Variants in QRICH2 observed in about 807,000 individuals in gnomAD.
The protein encoded by QRICH2 is glutamine-rich protein 2.
QRICH2 carries 119 observed loss-of-function variants against 168.3 expected under a neutral mutation model. The observed-to-expected ratio is 0.71, with a 90% CI of 0.61 to 0.82. QRICH2 has a LOEUF of 0.82. QRICH2 is among the 40% of genes least tolerant of loss of function. QRICH2 has a pLI of 0.00. For synonymous variants in QRICH2, 894 were observed against 951.2 expected (o/e 0.94, Z 1.11); for missense variants, 2,241 against 2,491.6 (o/e 0.90, Z 2.14).
chr17:76,283,092 A>G (rs796926701), intron 7 of QRICH2, among the ~76,000 whole-genome samples: 9 of 152,298 alleles, frequency 5.9e-5, no homozygotes, highest in African/African-American at 2.2e-4. Context: ...GCACATCCCC[A>G]GGGCAGCATC....
chr17:76,305,043 A>G (rs1054403462), intron 1 of QRICH2, 102 bp from the exon 2 acceptor site: 3 of 823,066 alleles, frequency 3.6e-6, no homozygotes, highest in Middle Eastern at 2.3e-4. Flanking sequence ...ACACTCAGAC[A>G]CACACATGCA....
chr17:76,297,651 A>G (rs762946456), intron 3 of QRICH2, among the ~76,000 whole-genome samples: 46 of 152,282 alleles, frequency 3.0e-4, no homozygotes, highest in Middle Eastern at 3.4e-3. Flanking sequence ...ACTGAGACCA[A>G]CTCAACACTG....
rs147207408 is a variant in QRICH2, at chr17:76,305,800, T to C, written c.535-859A>G. Among the ~76,000 whole-genome samples the C allele has an allele frequency of 8.4e-3, 1,274 of 152,116 alleles. 52 individuals carry two copies. Among genetic ancestry groups the C allele is most frequent in the Admixed American group, 0.061 (929 of 15,276 alleles). ...TATCATATTTGGGATTAAGAAAAAA[T>C]ATATTAATAAACAAAAATAAAACAA... On this transcript the variant is annotated intron_variant, in intron 1 of 18. Coordinates refer to ENST00000680821, the MANE Select transcript of QRICH2 (RefSeq NM_001388453.1).
intron 16 of QRICH2, 40 bp downstream of exon 16, chr17:76,277,123 C>T: frequency 1.3e-6 from 2 of 1,510,120 alleles, no homozygotes; most frequent in Non-Finnish European, 1.8e-6. Context: ...GGAGCCATGT[C>T]AGGGCCTCCC....
chr17:76,295,528 C>T (rs975364519), intron 3 of QRICH2, among the ~76,000 whole-genome samples: 1 of 151,780 alleles, frequency 6.6e-6, no homozygotes, highest in Non-Finnish European at 1.5e-5. Flanking sequence ...TGGTACTGCA[C>T]ACCTGTAATC....
intron 3 of QRICH2, chr17:76,301,641 C>G (rs2070900983): frequency 6.5e-6 from 1 of 154,088 alleles, no homozygotes; most frequent in Non-Finnish European, 1.4e-5. Context: ...GCCCCGACAC[C>G]CACACATACA....
At chr17:76,306,519 G>T (rs557912460) in intron 1 of QRICH2, among the ~76,000 whole-genome samples, 2 of 152,158 alleles carry the variant, frequency 1.3e-5, no homozygotes, top group Non-Finnish European at 2.9e-5. Flanking sequence ...GCTGACCTGC[G>T]TTGCTTCCTG....
Position 76,304,428 on chromosome 17 carries a change from C to G in QRICH2, c.692G>C (p.Arg231Thr). 6.2e-7 allele frequency: 1 copy of G among 1,612,752 alleles called. No homozygotes were observed. The highest frequency in any genetic ancestry group is 8.5e-7 in the Non-Finnish European group (1 of 1,179,666). Residue 231 changes from arginine (R) to threonine (T), a missense_variant, in exon 3 of 19, where the codon AGA becomes ACA. Physicochemically the swap from Arg to Thr is moderately conservative, Grantham distance 71. Coordinates refer to ENST00000680821, the MANE Select transcript of QRICH2 (RefSeq NM_001388453.1). Reference sequence around the variant, plus strand: ...CCACTGGTTCACCGCTTGTGAGGCTCTCCAGCCGTCCGTAATCGCCTGCTC... The same window carrying G: ...CCACTGGTTCACCGCTTGTGAGGCTGTCCAGCCGTCCGTAATCGCCTGCTC... ...ELEQAITDGW[R>T]ASQAGSETLM...
In QRICH2 at chr17:76,274,231, A is replaced by G; in HGVS notation, c.5512T>C (p.Ser1838Pro). ...VSSRQQKDRP[S>P]SEGRLSQPNT... ...GGCTGGGAGAGACGGCCCTCGGAGG[A>G]AGGTCTATCTTTCTGTTGACGAGAA... The change falls in exon 19 of 19, where the codon TCC becomes CCC. Residue 1838 changes from serine to proline, a missense_variant. Ser to Pro is a moderately conservative substitution (Grantham distance 74, BLOSUM62 -1). This residue lies in a region of QRICH2 where 189 missense variants were observed against 169.3 expected (regional missense o/e 1.12). Coordinates refer to ENST00000680821, the MANE Select transcript of QRICH2 (RefSeq NM_001388453.1). 6.3e-7 allele frequency: 1 copy of G among 1,595,694 alleles called. No homozygotes were observed. The highest frequency in any genetic ancestry group is 8.5e-7 in the Non-Finnish European group (1 of 1,173,718).
intron 3 of QRICH2, among the ~76,000 whole-genome samples, chr17:76,295,283 T>C (rs1052715790): frequency 1.3e-4 from 20 of 151,672 alleles, no homozygotes; most frequent in African/African-American, 4.8e-4. Flanking sequence ...TAAAATAAAA[T>C]AAAATATAAA....
chr17:76,306,248 A>G (rs1167178044), intron 1 of QRICH2, among the ~76,000 whole-genome samples: 1 of 151,896 alleles, frequency 6.6e-6, no homozygotes, highest in African/African-American at 2.4e-5. Flanking sequence ...TTTGAAAAGG[A>G]AAGCAGACAT....
At chr17:76,285,804 G>C (rs773755265) in intron 7 of QRICH2, among the ~76,000 whole-genome samples, 1 of 151,840 alleles carries the variant, frequency 6.6e-6, no homozygotes, top group Non-Finnish European at 1.5e-5. Context: ...AGCCAAGATC[G>C]TGCCATTTCC....
Position 76,280,087 on chromosome 17 carries a change from T to A in QRICH2, c.4694A>T (p.Gln1565Leu). 1 of 1,613,692 alleles carries A rather than the reference T, an allele frequency of 6.2e-7. No individual in the cohort carries two copies. The highest frequency in any genetic ancestry group is 8.5e-7 in the Non-Finnish European group (1 of 1,180,000). ...GTAGAGTGGGGGGCGCTCCCTGAGCTGCTGTCGCAGCGATTTCCACCGATC... is the reference window on the plus strand; with the variant it reads ...GTAGAGTGGGGGGCGCTCCCTGAGCAGCTGTCGCAGCGATTTCCACCGATC... The part of the protein sequence containing the change: ...LEDRWKSLRQ[Q>L]LRERPPLYQA... Residue 1565 changes from glutamine (Q) to leucine (L), a missense_variant, in exon 12 of 19, where the codon CAG (glutamine) becomes CTG (leucine). Gln to Leu is a moderately radical substitution (Grantham distance 113). Transcript: ENST00000680821. The surrounding 1 kb of genome is among the most constrained non-coding windows in gnomAD (Gnocchi z 7.4).
Position 76,293,348 on chromosome 17 carries a change from G to C in QRICH2, c.1379C>G (p.Thr460Arg), listed in dbSNP as rs770624848. The C allele has an allele frequency of 5.6e-6, 9 of 1,614,078 alleles. No homozygotes were observed. The highest frequency in any genetic ancestry group is 5.0e-5 in the Admixed American group (3 of 59,998). The part of the protein sequence containing the change: ...RDQQGLELPS[T>R]DQHGLVSVSA... ...GACTGAAACCAGACCATGTTGGTCT[G>C]TGCTAGGTAGTTCCAATCCTTGCTG... The change falls in exon 4 of 19, where the codon ACA (threonine) becomes AGA (arginine). Residue 460 changes from threonine to arginine, a missense_variant. Transcript: ENST00000680821.
Position 76,282,042 on chromosome 17 carries a change from G to C in QRICH2, c.4085C>G (p.Pro1362Arg). 1 of 1,613,628 alleles carries C rather than the reference G, an allele frequency of 6.2e-7. No individual in the cohort carries two copies. The highest frequency in any genetic ancestry group is 8.5e-7 in the Non-Finnish European group (1 of 1,179,742). The change falls in exon 8 of 19, where the codon CCG becomes CGG. Residue 1362 changes from proline to arginine, a missense_variant. Pro to Arg is a moderately radical substitution (Grantham distance 103, BLOSUM62 -2). Around this residue, in one of 3 missense-constraint regions of QRICH2, gnomAD observed 2,047 missense variants for 2,303.8 expected, o/e 0.89. Transcript: ENST00000680821. ...SSTLLSMSMA[P>R]HKAHTLAPGQ... The stretch of plus-strand genomic sequence containing the variant: ...AGGAGCCAAGGTGTGGGCCTTGTGC[G>C]GGGCCATGCTCATGGACAGGAGCGT...
chr17:76,303,778 CAGG>C (rs2070943429), intron 3 of QRICH2, among the ~76,000 whole-genome samples: 1 of 147,704 alleles, frequency 6.8e-6, no homozygotes, highest in African/African-American at 2.5e-5. Flanking sequence ...GAGGCTGAGA[CAGG>C]AGAATGGCGT....
In QRICH2 at chr17:76,280,161, C is replaced by T. The variant is rs200491362; in HGVS notation, c.4627-7G>A. 1.2e-5 allele frequency: 20 copies of T among 1,612,626 alleles called. No homozygotes were observed. The highest frequency in any genetic ancestry group is 8.9e-5 in the East Asian group (4 of 44,866). On this transcript the variant is annotated splice_region_variant and splice_polypyrimidine_tract_variant and intron_variant, in intron 11 of 18. Coordinates refer to ENST00000680821, the MANE Select transcript of QRICH2 (RefSeq NM_001388453.1). The surrounding 1 kb of genome is among the most constrained non-coding windows in gnomAD (Gnocchi z 7.4). ...CCAGCTCCAGGCGGTCCAGCTGTGG[C>T]GGGGAAAGAGGGGCCAGGGGACCTC... is the stretch of plus-strand genomic sequence containing the variant.
rs551777342 is a variant in QRICH2, at chr17:76,293,772, G to A, written c.955C>T (p.Arg319Cys). 9.3e-6 allele frequency: 15 copies of A among 1,613,994 alleles called. No individual in the cohort carries two copies. The highest frequency in any genetic ancestry group is 1.7e-5 in the Admixed American group (1 of 59,996). ...AGTCGTGGCACGCCAGCTTCATCACGGGCCCTCGGCTGCTGCTGTCTCCCA... is the reference window on the plus strand; with the variant it reads ...AGTCGTGGCACGCCAGCTTCATCACAGGCCCTCGGCTGCTGCTGTCTCCCA... Reference protein sequence around the residue: ...GTGRQQQPRARDEAGVPRLHQ... With the variant: ...GTGRQQQPRACDEAGVPRLHQ... The change falls in exon 4 of 19, where the codon CGT (arginine) becomes TGT (cysteine). Residue 319 changes from arginine to cysteine, a missense_variant. Arg to Cys is a radical substitution (Grantham distance 180, BLOSUM62 -3). This residue lies in a region of QRICH2 where 2,047 missense variants were observed against 2,303.8 expected (regional missense o/e 0.89). Coordinates refer to ENST00000680821, the MANE Select transcript of QRICH2 (RefSeq NM_001388453.1).
rs762970696 is a variant in QRICH2, at chr17:76,304,456, G to T, written c.664C>A (p.Leu222Met). 2.5e-6 allele frequency: 4 copies of T among 1,613,728 alleles called. No homozygotes were observed. The highest frequency in any genetic ancestry group is 3.4e-6 in the Non-Finnish European group (4 of 1,179,986). ...CAGCCGTCCGTAATCGCCTGCTCCAGCTCTTCCCAGGTGACCATGGTGACT... is the reference window on the plus strand; with the variant it reads ...CAGCCGTCCGTAATCGCCTGCTCCATCTCTTCCCAGGTGACCATGGTGACT... Reference protein sequence around the residue: ...EEVTMVTWEELEQAITDGWRA... With the variant: ...EEVTMVTWEEMEQAITDGWRA... Residue 222 changes from leucine (L) to methionine (M), a missense_variant, in exon 3 of 19, where the codon CTG (leucine) becomes ATG (methionine). Coordinates refer to ENST00000680821, the MANE Select transcript of QRICH2 (RefSeq NM_001388453.1).
Sources: gnomAD v4.1 joint callset for allele counts (sites outside exome capture counted in the v4.1 genomes callset) on GRCh38, gnomAD v4.1.1 for gene constraint, gnomAD v4.1.1 regional missense constraint, Gnocchi (gnomAD v3.1) non-coding constraint, MANE v1.5 for transcripts, NCBI Gene and HGNC (gene_info 2026-07-23, HGNC 2026-07-21) for gene names.